The following NPAT variants were observed in gnomAD, a reference collection of about 807,000 sequenced individuals.
The protein encoded by NPAT is protein NPAT.
Under a neutral mutation model 130.7 loss-of-function variants are expected in NPAT, and 52 were observed. The observed-to-expected ratio is 0.40, with a 90% CI of 0.32 to 0.50. The LOEUF is 0.50. NPAT is among the 20% of genes least tolerant of loss of function. The pLI is 0.68. For missense variants in NPAT, 1,687 were observed against 1,662.6 expected (o/e 1.01, Z -0.26); for synonymous variants, 580 against 584.8 (o/e 0.99, Z 0.12).
chr11:108,173,478 A>G lies in NPAT; in HGVS notation c.1506T>C (p.Pro502=). Residue 502 remains proline, a synonymous_variant, in exon 13 of 18, where the codon CCT becomes CCC. Coordinates refer to ENST00000278612, the MANE Select transcript of NPAT (RefSeq NM_002519.3). The part of the protein sequence containing the change: ...SNVPSESQLQ[P]DQPDIPITSF... ...AAGTTATTGGTATATCAGGCTGATC[A>G]GGCTGTAACTGAGATTCACTCGGTA... is the stretch of plus-strand genomic sequence containing the variant. 4 of 1,614,196 alleles carry G rather than the reference A, an allele frequency of 2.5e-6. No homozygotes were observed. The highest frequency in any genetic ancestry group is 3.4e-6 in the Non-Finnish European group (4 of 1,180,028).
intron 2 of NPAT, among the ~76,000 whole-genome samples, chr11:108,195,318 C>T (rs968886245): frequency 1.3e-5 from 2 of 152,178 alleles, no homozygotes; most frequent in African/African-American, 4.8e-5. Flanking sequence ...CAGTAAGAAA[C>T]AAGAGTTCCT....
chr11:108,215,029 C>A (rs576760590), intron 1 of NPAT, among the ~76,000 whole-genome samples: 1 of 152,306 alleles, frequency 6.6e-6, no homozygotes, highest in East Asian at 1.9e-4. Context: ...TCGCTTCCAG[C>A]CAAACTGGTC....
rs181735602 is a variant in NPAT at position 108,162,392 on chromosome 11, T to C, written c.3011-212A>G. ...CCCACTGCTACAGAGGAAATCCAGATATGGAATAAATGACATGCATCAACT... is the reference window on the plus strand; with the variant it reads ...CCCACTGCTACAGAGGAAATCCAGACATGGAATAAATGACATGCATCAACT... On this transcript the variant is annotated intron_variant, in intron 15 of 17. Transcript: ENST00000278612. Among the ~76,000 whole-genome samples the C allele has an allele frequency of 2.1e-3, 319 of 152,310 alleles. 1 individual carries two copies. The highest frequency in any genetic ancestry group is 7.1e-3 in the African/African-American group (296 of 41,570).
rs1028278092 is a variant in NPAT, at chr11:108,197,369, T to C, written c.89A>G (p.Glu30Gly). Residue 30 changes from glutamate (E) to glycine (G), a missense_variant, in exon 2 of 18, where the codon GAA (glutamate) becomes GGA (glycine). Around this residue, in one of 3 missense-constraint regions of NPAT, gnomAD observed 307 missense variants for 298.9 expected, o/e 1.03. Transcript: ENST00000278612. The stretch of plus-strand genomic sequence containing the variant: ...TGCATATTCTTTTAAATCTGAACTT[T>C]CCAAAATAAAAGTCTGGCAGGTAGA... ...LISTCQTFIL[E>G]SSDLKEYAEH... The C allele has an allele frequency of 5.0e-6, 8 of 1,613,596 alleles. No individual in the cohort carries two copies. Among genetic ancestry groups the C allele is most frequent in the African/African-American group, 1.3e-5 (1 of 74,930 alleles).
chr11:108,184,329 G>A (rs183890227), intron 10 of NPAT, among the ~76,000 whole-genome samples: 2,699 of 151,866 alleles, frequency 0.018, 41 homozygotes, highest in South Asian at 0.038. Flanking sequence ...AAAATTAGCC[G>A]GGCATGGTGG....
chr11:108,165,052 C>T (rs1486198079), intron 15 of NPAT, among the ~76,000 whole-genome samples: 2 of 151,786 alleles, frequency 1.3e-5, no homozygotes, highest in African/African-American at 4.8e-5. Context: ...AAAGGATAAA[C>T]TCTGAGGGTT....
rs1267917826 is a variant in NPAT, at chr11:108,161,665, T to C, written c.3421A>G (p.Ile1141Val). ...SESAISRHTT[I>V]RETQSEKKVS... The stretch of plus-strand genomic sequence containing the variant: ...TTCTTTTCTGATTGAGTTTCTCTTA[T>C]GGTGGTATGCCGGCTAATGGCACTT... Residue 1141 changes from isoleucine (I) to valine (V), a missense_variant, in exon 17 of 18, where the codon ATA becomes GTA. Around this residue, in one of 3 missense-constraint regions of NPAT, gnomAD observed 1,379 missense variants for 1,346.6 expected, o/e 1.02. Coordinates refer to ENST00000278612, the MANE Select transcript of NPAT (RefSeq NM_002519.3). The C allele has an allele frequency of 6.2e-6, 10 of 1,613,968 alleles. No individual in the cohort carries two copies. Among genetic ancestry groups the C allele is most frequent in the Admixed American group, 1.7e-5 (1 of 60,010 alleles).
chr11:108,185,481 T>C lies in NPAT; in HGVS notation c.740A>G (p.Glu247Gly). The change falls in exon 9 of 18, where the codon GAA (glutamate) becomes GGA (glycine). Residue 247 changes from glutamate to glycine, a missense_variant. This residue lies in a region of NPAT where 307 missense variants were observed against 298.9 expected (regional missense o/e 1.03). Transcript: ENST00000278612. Reference protein sequence around the residue: ...AFAVEKQMVIENAREKILSNK... With the variant: ...AFAVEKQMVIGNAREKILSNK... Reference sequence around the variant, plus strand: ...GCTTAGTATTTTTTCTCGTGCATTTTCAATAACCATTTGCTGGAAAAGAAA... The same window carrying C: ...GCTTAGTATTTTTTCTCGTGCATTTCCAATAACCATTTGCTGGAAAAGAAA... 1 of 1,608,712 alleles carries C rather than the reference T, an allele frequency of 6.2e-7. No individual in the cohort carries two copies. The highest frequency in any genetic ancestry group is 1.1e-5 in the South Asian group (1 of 90,880).
rs2078233004 is a variant in NPAT, at chr11:108,197,363, G to A, written c.95C>T (p.Ser32Leu). ...STCQTFILES[S>L]DLKEYAEHCT... ...ATGTTCTGCATATTCTTTTAAATCT[G>A]AACTTTCCAAAATAAAAGTCTGGCA... Residue 32 changes from serine (S) to leucine (L), a missense_variant, in exon 2 of 18, where the codon TCA becomes TTA. Ser to Leu is a moderately radical substitution (Grantham distance 145, BLOSUM62 -2). This residue lies in a region of NPAT where 307 missense variants were observed against 298.9 expected (regional missense o/e 1.03). Coordinates refer to ENST00000278612, the MANE Select transcript of NPAT (RefSeq NM_002519.3). 5 of 1,613,412 alleles carry A rather than the reference G, an allele frequency of 3.1e-6. No homozygotes were observed. Among genetic ancestry groups the A allele is most frequent in the Non-Finnish European group, 4.2e-6 (5 of 1,179,554 alleles).
Position 108,193,991 on chromosome 11 carries a change from T to G in NPAT, c.183A>C (p.Thr61=), listed in dbSNP as rs764338799. ...TCATAGCTACATACTCATTTAAAAT[T>G]GTTGTCAAGTTTTTTCCAAATAAGG... ...LLSLFGKNLT[T]ILNEYVAMKT... is the part of the protein sequence containing the mutation. The change falls in exon 3 of 18, where the codon ACA becomes ACC. Residue 61 remains threonine, a synonymous_variant. Transcript: ENST00000278612. 11 of 1,577,352 alleles carry G rather than the reference T, an allele frequency of 7.0e-6. No homozygotes were observed. The African/African-American group carries it at 1.5e-4, about 21-fold the overall frequency.
In NPAT at chr11:108,172,737, A is replaced by C; in HGVS notation, c.2247T>G (p.Phe749Leu). The change falls in exon 13 of 18, where the codon TTT becomes TTG. Residue 749 changes from phenylalanine (F) to leucine (L), a missense_variant. Phe to Leu is a conservative substitution (Grantham distance 22, BLOSUM62 0). Coordinates refer to ENST00000278612, the MANE Select transcript of NPAT (RefSeq NM_002519.3). ...TGGTAAGTTCAGTATCTGAGGAAAC[A>C]AATGGATCATCACTAATGATAACTT... is the stretch of plus-strand genomic sequence containing the variant. ...SLKVIISDDPFVSSDTELTSA... is the reference protein window; with the variant it reads ...SLKVIISDDPLVSSDTELTSA... 1 of 1,613,594 alleles carries C rather than the reference A, an allele frequency of 6.2e-7. No individual in the cohort carries two copies. The highest frequency in any genetic ancestry group is 8.5e-7 in the Non-Finnish European group (1 of 1,180,026).
In NPAT at chr11:108,194,034, C is replaced by A. The variant is rs377287304; in HGVS notation, c.157-17G>T. 9.4e-5 allele frequency: 119 copies of A among 1,264,686 alleles called. 1 individual carries two copies. The African/African-American group carries it at 1.6e-3, about 17-fold the overall frequency. The allele number at this position is 1,264,686 out of a possible 1,614,324, so 78.3% of individuals were successfully genotyped here. On this transcript the variant is annotated splice_polypyrimidine_tract_variant and intron_variant, in intron 2 of 17. Transcript: ENST00000278612. Reference sequence around the variant, plus strand: ...AAATAAGGACTGAAAAGAAAAAGATCAAATATTACCAAAATTGTATAATAC... The same window carrying A: ...AAATAAGGACTGAAAAGAAAAAGATAAAATATTACCAAAATTGTATAATAC...
rs112340312 is a variant in NPAT, at chr11:108,203,477, G to A, written c.38-6057C>T. ...AAATATTCTTAGATTCATCATACTC[G>A]AGTAAAGGCCTGGGAAAACTGACGG... On this transcript the variant is annotated intron_variant, in intron 1 of 17. Coordinates refer to ENST00000278612, the MANE Select transcript of NPAT (RefSeq NM_002519.3). 7.4e-3 allele frequency among the ~76,000 whole-genome samples: 1,128 copies of A among 152,174 alleles called. 7 individuals carry two copies. The highest frequency in any genetic ancestry group is 0.024 in the African/African-American group (980 of 41,520).
chr11:108,160,955 T>G lies in NPAT; in HGVS notation c.4131A>C (p.Glu1377Asp). The change falls in exon 17 of 18, where the codon GAA becomes GAC. Residue 1377 changes from glutamate to aspartate, a missense_variant. Coordinates refer to ENST00000278612, the MANE Select transcript of NPAT (RefSeq NM_002519.3). Reference sequence around the variant, plus strand: ...TAGAAGGACGAGAGTTTCGCTCACGTTCATCTAATTCCTCAATTTTCCGCT... The same window carrying G: ...TAGAAGGACGAGAGTTTCGCTCACGGTCATCTAATTCCTCAATTTTCCGCT... ...TKKRKIEELDERERNSRPSSK... is the reference protein window; with the variant it reads ...TKKRKIEELDDRERNSRPSSK... The G allele has an allele frequency of 6.2e-7, 1 of 1,614,180 alleles. No homozygotes were observed. The highest frequency in any genetic ancestry group is 8.5e-7 in the Non-Finnish European group (1 of 1,180,006).
rs552368503 is a variant in NPAT at position 108,162,291 on chromosome 11, T to G, written c.3011-111A>C. 11 of 897,490 alleles carry G rather than the reference T, an allele frequency of 1.2e-5. No homozygotes were observed. In the South Asian group the frequency reaches 1.7e-4, roughly 14 times the overall value. 55.6% of individuals were successfully genotyped at this position (897,490 alleles called of 1,614,324 possible). On this transcript the variant is annotated intron_variant, in intron 15 of 17. Transcript: ENST00000278612. Reference sequence around the variant, plus strand: ...AGAAAAAATTTTAAATGGTAGCTAATGTACACACAAATAGAACACGTTGAC... The same window carrying G: ...AGAAAAAATTTTAAATGGTAGCTAAGGTACACACAAATAGAACACGTTGAC...
intron 13 of NPAT, among the ~76,000 whole-genome samples, chr11:108,170,509 G>A (rs1448032993): frequency 6.6e-6 from 1 of 151,978 alleles, no homozygotes; most frequent in Non-Finnish European, 1.5e-5. Context: ...TATCTCAATG[G>A]TATTGATCAA....
intron 1 of NPAT, among the ~76,000 whole-genome samples, chr11:108,205,125 AG>A (rs1305689047): frequency 6.6e-6 from 1 of 152,230 alleles, no homozygotes; most frequent in East Asian, 1.9e-4. Context: ...ATCACATACA[AG>A]GGTTTCTCAG....
chr11:108,186,838 G>A (rs919265554), intron 7 of NPAT, among the ~76,000 whole-genome samples: 3 of 152,032 alleles, frequency 2.0e-5, no homozygotes, highest in African/African-American at 2.4e-5. Flanking sequence ...ATCTGTGTTC[G>A]GTTGAAAAAA....
At position 108,203,608 on chromosome 11, in the gene NPAT, A is replaced by G. The variant is rs2134883581; in HGVS notation, c.38-6188T>C. Among the ~76,000 whole-genome samples the G allele has an allele frequency of 2.0e-5, 3 of 152,296 alleles. No individual in the cohort carries two copies. In the Middle Eastern group the frequency reaches 0.01, roughly 518 times the overall value. On this transcript the variant is annotated intron_variant, in intron 1 of 17. Transcript: ENST00000278612. Reference sequence around the variant, plus strand: ...TAAGTGTCATTAACCTACCATGAACATCCTCTTTATAGTCTCTCCTAGGCT... The same window carrying G: ...TAAGTGTCATTAACCTACCATGAACGTCCTCTTTATAGTCTCTCCTAGGCT...
Sources: allele counts gnomAD v4.1 joint callset (sites outside exome capture counted in the v4.1 genomes callset), GRCh38; gene constraint gnomAD v4.1.1; regional missense constraint gnomAD v4.1.1; transcripts MANE v1.5; gene names NCBI Gene and HGNC (gene_info 2026-07-23, HGNC 2026-07-21).